RYR3: variants seen among roughly 807,000 people sequenced by gnomAD.
RYR3 encodes the protein brain ryanodine receptor-calcium release channel.
RYR3 carries 207 observed loss-of-function variants against 584.3 expected under a neutral mutation model. That is an observed-to-expected ratio of 0.35 (90% confidence interval 0.32 to 0.40). The LOEUF is 0.40. RYR3 is among the 10% of genes least tolerant of loss of function. The pLI is 1.00. For missense variants in RYR3, 5,616 were observed against 6,089.2 expected, an observed-to-expected ratio of 0.92 and a Z score of 2.59; for synonymous variants, 2,416 against 2,248.5, an observed-to-expected ratio of 1.07 and a Z score of -2.11.
At chr15:33,670,102 C>T (rs2063754319) in intron 37 of RYR3, among the ~76,000 whole-genome samples, 1 of 152,286 alleles carries the variant, frequency 6.6e-6, no homozygotes, top group African/African-American at 2.4e-5. Flanking sequence ...GTCCCCCAAA[C>T]ATTCTTCCAG....
At chr15:33,651,549 C>G (rs999638654) in intron 31 of RYR3, among the ~76,000 whole-genome samples, 1 of 152,216 alleles carries the variant, frequency 6.6e-6, no homozygotes, top group Non-Finnish European at 1.5e-5. Context: ...GAAGGAACCT[C>G]GGAGAATCCT....
At chr15:33,858,048 A>C in intron 99 of RYR3, 134 bp downstream of exon 99, 1 of 1,170,150 alleles carries the variant, frequency 8.5e-7, no homozygotes, top group Non-Finnish European at 1.2e-6. Context: ...AGCAGAGATT[A>C]AAGTAGAAGA....
chr15:33,496,178 A>G (rs1020068008), intron 2 of RYR3, among the ~76,000 whole-genome samples: 7 of 152,174 alleles, frequency 4.6e-5, no homozygotes, highest in Non-Finnish European at 1.0e-4. Flanking sequence ...ATATAAAACC[A>G]TCATAGGGAG....
At chr15:33,621,134 AG>A (rs1345256647) in intron 19 of RYR3, among the ~76,000 whole-genome samples, 1 of 128,374 alleles carries the variant, frequency 7.8e-6, no homozygotes, top group African/African-American at 2.7e-5. Flanking sequence ...TATCTTATCC[AG>A]CAGATTTTAA....
At chr15:33,490,478 G>A (rs2050872203) in intron 2 of RYR3, among the ~76,000 whole-genome samples, 1 of 152,140 alleles carries the variant, frequency 6.6e-6, no homozygotes, top group African/African-American at 2.4e-5. Flanking sequence ...TGGTTCAGGT[G>A]CACTACTGCC....
At chr15:33,379,687 C>CTCTCTCTCTATATATATA in intron 1 of RYR3, among the ~76,000 whole-genome samples, 7 of 125,522 alleles carry the variant, frequency 5.6e-5, no homozygotes, top group African/African-American at 2.5e-4. Context: ...CTCTCTCTCT[C>CTCTCTCTCTATATATATA]TATATATATA....
intron 94 of RYR3, chr15:33,852,822 T>C (rs2079243184): frequency 1.3e-5 from 6 of 457,970 alleles, no homozygotes; most frequent in Middle Eastern, 3.0e-4. Context: ...AACTGCCCAG[T>C]GGCCTTCTGA....
At position 33,697,878 on chromosome 15, in the gene RYR3, C is replaced by G. The variant is rs763332893; in HGVS notation, c.6135-4C>G. 25 of 1,573,598 alleles carry G rather than the reference C, an allele frequency of 1.6e-5. No homozygotes were observed. The highest frequency in any genetic ancestry group is 1.7e-4 in the Middle Eastern group (1 of 6,000). ...CTGAAGACTCTCTCTGATCCTTATC[C>G]TAGAGACATAATGAACAACAAGGTG... On this transcript the variant is annotated splice_region_variant and splice_polypyrimidine_tract_variant and intron_variant, in intron 39 of 103. Coordinates refer to ENST00000634891, the MANE Select transcript of RYR3 (RefSeq NM_001036.6).
intron 32 of RYR3, among the ~76,000 whole-genome samples, chr15:33,659,068 C>T (rs992920829): frequency 1.3e-5 from 2 of 152,168 alleles, no homozygotes; most frequent in Admixed American, 6.5e-5. Context: ...TGTTGGGAAC[C>T]ATGTTGGTTG....
intron 85 of RYR3, among the ~76,000 whole-genome samples, chr15:33,829,645 C>T (rs910313867): frequency 3.3e-5 from 5 of 151,280 alleles, no homozygotes; most frequent in Admixed American, 6.6e-5. Flanking sequence ...CCCAGCTACT[C>T]GGGAGGCTGA....
At chr15:33,865,004 G>C in intron 103 of RYR3, 127 bp from the exon 104 acceptor site, 2 of 644,810 alleles carry the variant, frequency 3.1e-6, no homozygotes, top group East Asian at 2.7e-5. Flanking sequence ...AAGAATGAAT[G>C]TGCAGGTTTG....
At chr15:33,743,052 G>C (rs534655902) in intron 52 of RYR3, among the ~76,000 whole-genome samples, 10 of 152,268 alleles carry the variant, frequency 6.6e-5, no homozygotes, top group Middle Eastern at 6.8e-3. Context: ...CTGTGCCAAG[G>C]ATATCCAGGA....
chr15:33,647,365 G>A lies in RYR3; in HGVS notation c.3942-59G>A, dbSNP rs192276575. 8.4e-4 allele frequency: 1,172 copies of A among 1,395,384 alleles called. 12 individuals carry two copies. The African/African-American group carries it at 0.015, about 17-fold the overall frequency. 86.4% of individuals were successfully genotyped at this position (1,395,384 alleles called of 1,614,324 possible). ...TTGAAGGTAGATCAAGTTGCCTGTC[G>A]GAACTGTGGGATTCTCAATACAGCT... On this transcript the variant is annotated intron_variant, in intron 29 of 103. Coordinates refer to ENST00000634891, the MANE Select transcript of RYR3 (RefSeq NM_001036.6).
intron 98 of RYR3, 137 bp from the exon 99 acceptor site, chr15:33,857,643 G>C: frequency 1.9e-6 from 2 of 1,031,930 alleles, no homozygotes; most frequent in Admixed American, 5.0e-5. Context: ...AGCTTTCTTA[G>C]CCGCCCTCCA....
Position 33,701,069 on chromosome 15 carries a change from G to A in RYR3, c.6472G>A (p.Asp2158Asn). ...NELALSLEEPDLEKVVTYLAG... is the reference protein window; with the variant it reads ...NELALSLEEPNLEKVVTYLAG... The stretch of plus-strand genomic sequence containing the variant: ...GTTAGCGCTGAGCTTAGAGGAACCA[G>A]ACCTCGAGAAGGTAACCGGCCCTTG... The change falls in exon 42 of 104, where the codon GAC becomes AAC. Residue 2158 changes from aspartate (D) to asparagine (N), a missense_variant. Asp to Asn is a conservative substitution (Grantham distance 23, BLOSUM62 1). Coordinates refer to ENST00000634891, the MANE Select transcript of RYR3 (RefSeq NM_001036.6). The A allele has an allele frequency of 1.2e-6, 2 of 1,611,942 alleles. No homozygotes were observed. Among genetic ancestry groups the A allele is most frequent in the Non-Finnish European group, 8.5e-7 (1 of 1,178,808 alleles).
At chr15:33,655,887 A>G (rs903617479) in intron 32 of RYR3, among the ~76,000 whole-genome samples, 6 of 152,208 alleles carry the variant, frequency 3.9e-5, no homozygotes, top group African/African-American at 1.4e-4. Context: ...AGCAATATTT[A>G]TACACTGGCT....
At chr15:33,710,294 G>C (rs2067008656) in intron 43 of RYR3, among the ~76,000 whole-genome samples, 3 of 150,746 alleles carry the variant, frequency 2.0e-5, no homozygotes, top group Admixed American at 6.6e-5. Context: ...CATGGCGAAA[G>C]CAGGAGGAAG....
intron 72 of RYR3, 96 bp downstream of exon 72, chr15:33,811,133 T>A: frequency 1.9e-6 from 2 of 1,032,072 alleles, no homozygotes; most frequent in African/African-American, 1.6e-5. Context: ...TTCTTATATG[T>A]GTTCCAAAAA....
At chr15:33,725,972 C>CG (rs767013477) in intron 45 of RYR3, among the ~76,000 whole-genome samples, 4,477 of 40,572 alleles carry the variant, frequency 0.11, 689 homozygotes, top group African/African-American at 0.17. Context: ...TCCATCCCCC[C>CG]CCCCAAAAAA....
Sources: allele counts gnomAD v4.1 joint callset (sites outside exome capture counted in the v4.1 genomes callset), GRCh38; gene constraint gnomAD v4.1.1; transcripts MANE v1.5; gene names NCBI Gene and HGNC (gene_info 2026-07-23, HGNC 2026-07-21).